Variants in PDE3B observed in about 807,000 individuals in gnomAD.
PDE3B encodes the protein cGMP-inhibited 3',5'-cyclic phosphodiesterase 3B.
A neutral mutation model predicts 116.8 loss-of-function variants in PDE3B; 66 were observed. The ratio of observed to expected loss-of-function variants is 0.56; its 90% CI spans 0.46 to 0.69. PDE3B has a LOEUF of 0.69. Among genes scored for constraint, PDE3B ranks in the 30% least tolerant of loss-of-function variants. The pLI is 0.00. For synonymous variants in PDE3B, 595 were observed against 533.6 expected (o/e 1.12, Z -1.59); for missense variants, 1,384 against 1,368.1 (o/e 1.01, Z -0.18).
chr11:14,875,168 T>C (rs972583892), downstream of PDE3B, among the ~76,000 whole-genome samples: 9 of 152,104 alleles, frequency 5.9e-5, no homozygotes. Flanking sequence ...CTTTCCACTT[T>C]TAGAAAAAGT....
chr11:14,829,195 T>C (rs1293669971), intron 7 of PDE3B, among the ~76,000 whole-genome samples: 1 of 151,920 alleles, frequency 6.6e-6, no homozygotes, highest in Non-Finnish European at 1.5e-5. Flanking sequence ...GAAAAACAAC[T>C]AATGGGTACT....
intron 1 of PDE3B, among the ~76,000 whole-genome samples, chr11:14,738,080 C>T (rs547536561): frequency 3.9e-5 from 6 of 152,082 alleles, no homozygotes; most frequent in African/African-American, 9.7e-5. Context: ...AATAAACATA[C>T]GTGTGCATGT....
chr11:14,804,144 A>C, intron 5 of PDE3B, 94 bp downstream of exon 5: 1 of 688,632 alleles, frequency 1.5e-6, no homozygotes, highest in Non-Finnish European at 2.6e-6. Context: ...CTAATTTTGA[A>C]TACAATTTCA....
chr11:14,718,591 C>G (rs1855989447), intron 1 of PDE3B, among the ~76,000 whole-genome samples: 1 of 149,548 alleles, frequency 6.7e-6, no homozygotes, highest in Admixed American at 6.6e-5. Flanking sequence ...ACAGTGCAAT[C>G]AAACTAGAAC....
intron 1 of PDE3B, among the ~76,000 whole-genome samples, chr11:14,682,223 A>G (rs952127608): frequency 1.3e-5 from 2 of 152,186 alleles, no homozygotes; most frequent in South Asian, 2.1e-4. Context: ...GAAAATCCAC[A>G]TATAAGTGGA....
At chr11:14,799,997 T>G (rs893139032) in intron 4 of PDE3B, among the ~76,000 whole-genome samples, 1 of 152,164 alleles carries the variant, frequency 6.6e-6, no homozygotes, top group Non-Finnish European at 1.5e-5. Context: ...GTTTTGCCCT[T>G]TAGTTGATGC....
At chr11:14,769,754 C>G (rs945625838) in intron 1 of PDE3B, among the ~76,000 whole-genome samples, 10 of 149,022 alleles carry the variant, frequency 6.7e-5, no homozygotes, top group African/African-American at 2.2e-4. Context: ...TGTTTGTATA[C>G]TGTAGCCTTT....
chr11:14,819,046 G>T, intron 6 of PDE3B, 90 bp from the exon 7 acceptor site: 1 of 759,484 alleles, frequency 1.3e-6, no homozygotes, highest in South Asian at 1.9e-5. Context: ...TTGGGATCTT[G>T]GTTAAAAATT....
chr11:14,645,406 C>G lies in PDE3B; in HGVS notation c.978+353C>G, dbSNP rs369539357. On this transcript the variant is annotated intron_variant, in intron 1 of 15. Transcript: ENST00000282096. ...TGACTACTCCCGCTTTTGGCATCCT[C>G]TGATATGTGTCTTTTTGGTGCCATT... Among the ~76,000 whole-genome samples the G allele has an allele frequency of 2.0e-4, 31 of 152,290 alleles. 2 individuals carry two copies. In the South Asian group the frequency reaches 6.0e-3, roughly 30 times the overall value.
chr11:14,764,606 C>G (rs1161556557), intron 1 of PDE3B, among the ~76,000 whole-genome samples: 1 of 151,972 alleles, frequency 6.6e-6, no homozygotes, highest in Non-Finnish European at 1.5e-5. Flanking sequence ...TTAGGCAGAT[C>G]TAGATTTAAG....
In PDE3B at chr11:14,827,432, G is replaced by A. The variant is rs574845116; in HGVS notation, c.1808-3266G>A. Among the ~76,000 whole-genome samples, 13 of 152,164 alleles carry A rather than the reference G, an allele frequency of 8.5e-5. No individual in the cohort carries two copies. The East Asian group carries it at 9.7e-4, about 11-fold the overall frequency. On this transcript the variant is annotated intron_variant, in intron 7 of 15. Coordinates refer to ENST00000282096, the MANE Select transcript of PDE3B (RefSeq NM_000922.4). Reference sequence around the variant, plus strand: ...CTAGAAAACCCCGAAGTCTCGGCCCGAAAGCTCCTTAAGCTAATAAGTAAC... The same window carrying A: ...CTAGAAAACCCCGAAGTCTCGGCCCAAAAGCTCCTTAAGCTAATAAGTAAC...
At chr11:14,785,980 T>G (rs1431287391) in intron 2 of PDE3B, among the ~76,000 whole-genome samples, 1 of 152,108 alleles carries the variant, frequency 6.6e-6, no homozygotes, top group Non-Finnish European at 1.5e-5. Flanking sequence ...ATCCTGATTT[T>G]ACATTGAAGA....
intron 5 of PDE3B, among the ~76,000 whole-genome samples, chr11:14,813,273 A>G (rs1443767408): frequency 6.6e-6 from 1 of 152,148 alleles, no homozygotes; most frequent in Admixed American, 6.5e-5. Context: ...ATTGGGCCCA[A>G]AGCAAGGTGT....
intron 5 of PDE3B, among the ~76,000 whole-genome samples, chr11:14,812,860 C>A (rs1859192264): frequency 6.6e-6 from 1 of 152,272 alleles, no homozygotes; most frequent in Non-Finnish European, 1.5e-5. Flanking sequence ...GTGTTGAAAC[C>A]TAATCCTCAG....
chr11:14,773,968 G>A (rs970428945), intron 2 of PDE3B: 3 of 152,008 alleles, frequency 2.0e-5, no homozygotes, highest in African/African-American at 4.8e-5. Flanking sequence ...CTCCAATTTC[G>A]GTCTCCCAGC....
At chr11:14,698,691 T>A (rs1157641725) in intron 1 of PDE3B, 1 of 151,966 alleles carries the variant, frequency 6.6e-6, no homozygotes, top group African/African-American at 2.4e-5. Flanking sequence ...AGTACAAGAT[T>A]GATTTCTGTT....
intron 1 of PDE3B, among the ~76,000 whole-genome samples, chr11:14,680,520 G>C (rs189144415): frequency 6.6e-6 from 1 of 152,130 alleles, no homozygotes; most frequent in African/African-American, 2.4e-5. Context: ...AGTAGAACCG[G>C]CAAGTTTGTA....
chr11:14,723,772 A>G (rs1360904054), intron 1 of PDE3B, among the ~76,000 whole-genome samples: 6 of 152,044 alleles, frequency 3.9e-5, no homozygotes, highest in African/African-American at 9.7e-5. Context: ...AAAAAAAAAA[A>G]CAAAAACCAG....
rs1858211030 is a variant in PDE3B at position 14,786,660 on chromosome 11, A to G, written c.1253A>G (p.Glu418Gly). The change falls in exon 3 of 16, where the codon GAG (glutamate) becomes GGG (glycine). Residue 418 changes from glutamate to glycine, a missense_variant. Around this residue, in one of 2 missense-constraint regions of PDE3B, gnomAD observed 956 missense variants for 806.8 expected, o/e 1.18. Transcript: ENST00000282096. ...TGTTCTGAAATAGAGGACCCAGCTGAGAAAGGGGATAGAAAACTTAACAAG... is the reference window on the plus strand; with the variant it reads ...TGTTCTGAAATAGAGGACCCAGCTGGGAAAGGGGATAGAAAACTTAACAAG... ...YPCSEIEDPA[E>G]KGDRKLNKGL... The G allele has an allele frequency of 6.2e-7, 1 of 1,611,724 alleles. No individual in the cohort carries two copies. Among genetic ancestry groups the G allele is most frequent in the African/African-American group, 1.3e-5 (1 of 74,842 alleles).
Sources: allele counts gnomAD v4.1 joint callset (sites outside exome capture counted in the v4.1 genomes callset), GRCh38; gene constraint gnomAD v4.1.1; regional missense constraint gnomAD v4.1.1; transcripts MANE v1.5; gene names NCBI Gene and HGNC (gene_info 2026-07-23, HGNC 2026-07-21).